KCNIP4: variants seen among roughly 807,000 people sequenced by gnomAD.
KCNIP4 encodes Kv channel-interacting protein 4.
A neutral mutation model predicts 34.0 loss-of-function variants in KCNIP4; 12 were observed. The ratio of observed to expected loss-of-function variants is 0.35; its 90% CI spans 0.23 to 0.57. The LOEUF (loss-of-function observed/expected upper bound fraction) is 0.57. KCNIP4 is among the 20% of genes least tolerant of loss of function. KCNIP4 has a pLI of 0.83. For synonymous variants in KCNIP4, 124 were observed against 102.2 expected (o/e 1.21, Z -1.29); for missense variants, 238 against 311.7 (o/e 0.76, Z 1.78).
intron 3 of KCNIP4, among the ~76,000 whole-genome samples, chr4:20,834,686 T>TG (rs75643334): frequency 0.38 from 57,802 of 151,886 alleles, 11,670 homozygotes; most frequent in Non-Finnish European, 0.46. Flanking sequence ...GGAAAGGTAT[T>TG]GGGAAATGCT....
At chr4:21,817,487 C>A (rs1351523139) in intron 1 of KCNIP4, among the ~76,000 whole-genome samples, 1 of 152,072 alleles carries the variant, frequency 6.6e-6, no homozygotes, top group Non-Finnish European at 1.5e-5. Flanking sequence ...GGGAAGACAA[C>A]CATAAGGGTG....
chr4:21,730,729 C>G (rs183270888), intron 1 of KCNIP4, among the ~76,000 whole-genome samples: 10 of 152,142 alleles, frequency 6.6e-5, no homozygotes, highest in Admixed American at 3.9e-4. Flanking sequence ...CAGATTTACT[C>G]TGAAATGGGC....
intron 1 of KCNIP4, among the ~76,000 whole-genome samples, chr4:21,064,123 C>T (rs1041504505): frequency 6.6e-6 from 1 of 152,098 alleles, no homozygotes; most frequent in Admixed American, 6.6e-5. Flanking sequence ...GCTAATCCAA[C>T]AATTTCATAC....
intron 1 of KCNIP4, among the ~76,000 whole-genome samples, chr4:21,474,619 T>G (rs150156063): frequency 8.7e-4 from 133 of 152,166 alleles, no homozygotes; most frequent in African/African-American, 3.0e-3. Flanking sequence ...GCAGAAGCTG[T>G]CCCAGGTCAG....
chr4:21,852,643 C>T (rs1198295721), intron 1 of KCNIP4: 1 of 152,120 alleles, frequency 6.6e-6, no homozygotes, highest in African/African-American at 2.4e-5. Flanking sequence ...ATGGGGTGAG[C>T]CCACAGAGTC....
chr4:21,117,449 T>C (rs1749795310), intron 1 of KCNIP4, among the ~76,000 whole-genome samples: 1 of 152,160 alleles, frequency 6.6e-6, no homozygotes, highest in African/African-American at 2.4e-5. Context: ...TTCTCTATTT[T>C]TTAATAGATA....
chr4:20,966,784 A>G (rs978552102), intron 1 of KCNIP4, among the ~76,000 whole-genome samples: 10 of 152,204 alleles, frequency 6.6e-5, no homozygotes, highest in African/African-American at 2.2e-4. Flanking sequence ...AAGTCACACT[A>G]AAGTAACCAT....
At chr4:21,604,453 A>G (rs1430169830) in intron 1 of KCNIP4, among the ~76,000 whole-genome samples, 2 of 152,160 alleles carry the variant, frequency 1.3e-5, no homozygotes, top group African/African-American at 4.8e-5. Context: ...TTCAGTATAA[A>G]AGACTTATTA....
chr4:21,906,996 AT>A (rs375909590), intron 1 of KCNIP4, among the ~76,000 whole-genome samples: 2 of 152,324 alleles, frequency 1.3e-5, no homozygotes, highest in African/African-American at 4.8e-5. Flanking sequence ...ATGTTTTAGT[AT>A]ATCACAATTC....
intron 1 of KCNIP4, among the ~76,000 whole-genome samples, chr4:21,302,431 TA>T (rs933494041): frequency 1.3e-5 from 2 of 152,114 alleles, no homozygotes; most frequent in Non-Finnish European, 2.9e-5. Flanking sequence ...TCACAGAGAA[TA>T]AAAACCAGTT....
chr4:21,574,816 A>G (rs1398676255), intron 1 of KCNIP4, among the ~76,000 whole-genome samples: 2 of 152,152 alleles, frequency 1.3e-5, no homozygotes, highest in African/African-American at 4.8e-5. Flanking sequence ...CTTGTTCTCA[A>G]GTTTGCCTTA....
intron 1 of KCNIP4, among the ~76,000 whole-genome samples, chr4:21,888,165 G>A (rs1726894317): frequency 6.6e-6 from 1 of 152,124 alleles, no homozygotes; most frequent in Non-Finnish European, 1.5e-5. Flanking sequence ...GTCTCACAGA[G>A]CTGGGATTCA....
intron 1 of KCNIP4, among the ~76,000 whole-genome samples, chr4:21,504,203 C>T (rs1277059758): frequency 6.6e-6 from 1 of 152,094 alleles, no homozygotes; most frequent in Non-Finnish European, 1.5e-5. Flanking sequence ...TGCAGTGGCT[C>T]ATGCCTGTAA....
At chr4:21,810,713 A>C (rs1721598285) in intron 1 of KCNIP4, among the ~76,000 whole-genome samples, 1 of 122,312 alleles carries the variant, frequency 8.2e-6, no homozygotes, top group East Asian at 3.5e-4. Flanking sequence ...AAAAAAAAAA[A>C]AATCAGAGAG....
chr4:21,167,926 T>C (rs1753751356), intron 1 of KCNIP4, among the ~76,000 whole-genome samples: 1 of 152,178 alleles, frequency 6.6e-6, no homozygotes, highest in African/African-American at 2.4e-5. Context: ...CAGTGATTCA[T>C]GGTTCTGGGG....
At chr4:21,137,667 T>G (rs961631413) in intron 1 of KCNIP4, among the ~76,000 whole-genome samples, 3 of 152,098 alleles carry the variant, frequency 2.0e-5, no homozygotes, top group Non-Finnish European at 4.4e-5. Flanking sequence ...AATTCCTGTT[T>G]CAGGACTTAC....
intron 1 of KCNIP4, among the ~76,000 whole-genome samples, chr4:21,827,118 G>C (rs1722723202): frequency 6.6e-6 from 1 of 151,838 alleles, no homozygotes; most frequent in Non-Finnish European, 1.5e-5. Context: ...TAATACAATT[G>C]GTTGAATACA....
At chr4:21,830,713 T>G (rs1230516335) in intron 1 of KCNIP4, among the ~76,000 whole-genome samples, 1 of 151,884 alleles carries the variant, frequency 6.6e-6, no homozygotes, top group Non-Finnish European at 1.5e-5. Flanking sequence ...ACTAGGAAAC[T>G]TCAATACACA....
intron 1 of KCNIP4, among the ~76,000 whole-genome samples, chr4:21,799,701 G>A (rs1258686693): frequency 6.6e-6 from 1 of 152,144 alleles, no homozygotes; most frequent in Non-Finnish European, 1.5e-5. Flanking sequence ...CAGCATTGAA[G>A]ACACACTTCT....
Sources: allele counts gnomAD v4.1 joint callset (sites outside exome capture counted in the v4.1 genomes callset), GRCh38; gene constraint gnomAD v4.1.1; transcripts MANE v1.5; gene names NCBI Gene and HGNC (gene_info 2026-07-23, HGNC 2026-07-21).